MDGA2: variants seen among roughly 807,000 people sequenced by gnomAD.
MDGA2 encodes the protein MAM domain-containing glycosylphosphatidylinositol anchor protein 2.
Under a neutral mutation model 117.8 loss-of-function variants are expected in MDGA2, and 40 were observed. The ratio of observed to expected loss-of-function variants is 0.34; its 90% CI spans 0.26 to 0.44. The LOEUF (loss-of-function observed/expected upper bound fraction) is 0.44, where lower values mean the gene tolerates loss of function less well. MDGA2 is among the 20% of genes least tolerant of loss of function. The probability of loss-of-function intolerance (pLI) is 1.00; values close to 1 mark genes in which losing one functional copy is unlikely to be tolerated. For missense variants in MDGA2, 1,123 were observed against 1,250.6 expected (o/e 0.90, Z 1.54); for synonymous variants, 452 against 439.0 (o/e 1.03, Z -0.37).
intron 1 of MDGA2, among the ~76,000 whole-genome samples, chr14:47,539,504 C>A (rs1370637222): frequency 6.6e-6 from 1 of 152,156 alleles, no homozygotes; most frequent in East Asian, 1.9e-4. Context: ...CCCAGAACAT[C>A]ACTCAACAAT....
intron 1 of MDGA2, among the ~76,000 whole-genome samples, chr14:47,563,141 T>C (rs751355521): frequency 3.3e-5 from 5 of 152,118 alleles, no homozygotes; most frequent in African/African-American, 1.2e-4. Flanking sequence ...TTTCTGAGGA[T>C]TGCTTGATGT....
chr14:47,614,447 G>C (rs529420985), intron 1 of MDGA2, among the ~76,000 whole-genome samples: 1 of 152,186 alleles, frequency 6.6e-6, no homozygotes, highest in Non-Finnish European at 1.5e-5. Context: ...CAGTTTTATA[G>C]AGCAGAAGCC....
intron 1 of MDGA2, among the ~76,000 whole-genome samples, chr14:47,509,334 G>A (rs1335873444): frequency 6.6e-6 from 1 of 152,204 alleles, no homozygotes. Flanking sequence ...GTTAAAAAAT[G>A]AGTTTGGAGA....
intron 1 of MDGA2, among the ~76,000 whole-genome samples, chr14:47,395,108 T>C (rs562774008): frequency 7.9e-5 from 12 of 152,262 alleles, no homozygotes; most frequent in South Asian, 2.1e-4. Context: ...TGAGCTATAA[T>C]TGTGCCACTT....
chr14:47,461,117 CA>C (rs1893474102), intron 1 of MDGA2, among the ~76,000 whole-genome samples: 2 of 152,092 alleles, frequency 1.3e-5, no homozygotes. Context: ...TCATCTTACA[CA>C]AATGGCAATC....
chr14:47,346,063 A>G (rs1890756139), intron 1 of MDGA2, among the ~76,000 whole-genome samples: 1 of 152,040 alleles, frequency 6.6e-6, no homozygotes, highest in Non-Finnish European at 1.5e-5. Context: ...TATATTATAT[A>G]TTTTCTAATA....
chr14:47,448,243 TC>T (rs1267942113), intron 1 of MDGA2, among the ~76,000 whole-genome samples: 1 of 151,986 alleles, frequency 6.6e-6, no homozygotes, highest in Non-Finnish European at 1.5e-5. Flanking sequence ...CTCCACCTCC[TC>T]GGTTCAAGCA....
Position 46,841,080 on chromosome 14 carries a change from T to C in MDGA2, c.*851A>G, listed in dbSNP as rs527613420. ...ACTCTTAGCAGTGCAAGCTTCTGAG[T>C]TGAAAATTATTCAGGCTTGTTTCAT... On this transcript the variant is annotated 3_prime_UTR_variant, in exon 17 of 17. Transcript: ENST00000399232. The C allele has an allele frequency of 4.6e-5, 7 of 152,666 alleles. No homozygotes were observed. Among genetic ancestry groups the C allele is most frequent in the East Asian group, 3.9e-4 (2 of 5,176 alleles). The allele number at this position is 152,666 out of a possible 1,614,324, so 9.5% of individuals were successfully genotyped here. A position where few individuals can be genotyped will look rare whatever the true frequency, so the allele number is the denominator to read the frequency against.
chr14:47,063,412 T>A (rs1010078608), intron 6 of MDGA2, among the ~76,000 whole-genome samples: 13 of 152,102 alleles, frequency 8.5e-5, no homozygotes, highest in African/African-American at 3.1e-4. Context: ...TAGAATCATA[T>A]ATTCATATTT....
In MDGA2 at chr14:47,290,703, T is replaced by C. The variant is rs373549510; in HGVS notation, c.420+10708A>G. Among the ~76,000 whole-genome samples, 5 of 152,138 alleles carry C rather than the reference T, an allele frequency of 3.3e-5. No homozygotes were observed. In the South Asian group the frequency reaches 6.2e-4, roughly 19 times the overall value. ...GTCACATGTATGGATACACTCCTCA[T>C]TGAGCTTGAAAATTCTATAAAAAGG... On this transcript the variant is annotated intron_variant, in intron 2 of 16. Transcript: ENST00000399232.
rs1293960928 is a variant in MDGA2, at chr14:46,855,298, A to G, written c.2753-144T>C. 3 of 600,552 alleles carry G rather than the reference A, an allele frequency of 5.0e-6. No homozygotes were observed. The highest frequency in any genetic ancestry group is 6.9e-5 in the Admixed American group (2 of 28,982). 37.2% of individuals were successfully genotyped at this position (600,552 alleles called of 1,614,324 possible). ...GTCCTCTCTTCTCCTCTCATTTCCTATCTTGCTCTTATGACATTTGACATT... is the reference window on the plus strand; with the variant it reads ...GTCCTCTCTTCTCCTCTCATTTCCTGTCTTGCTCTTATGACATTTGACATT... On this transcript the variant is annotated intron_variant, in intron 14 of 16. Transcript: ENST00000399232. This position sits in a 1 kb window ranked among gnomAD's most constrained non-coding sequence, Gnocchi z 4.1.
chr14:47,328,649 AT>A (rs1041398564), intron 1 of MDGA2, among the ~76,000 whole-genome samples: 10 of 152,104 alleles, frequency 6.6e-5, no homozygotes, highest in African/African-American at 2.4e-4. Flanking sequence ...ACTGTTTTGA[AT>A]TTTTTTAAAT....
In MDGA2 at chr14:47,335,745, T is replaced by TATATACACACATAC; in HGVS notation, c.281-34196_281-34195insGTATGTGTGTATAT. On this transcript the variant is annotated intron_variant, in intron 1 of 16. Transcript: ENST00000399232. ...TGCACACATATATTTTATATATATA[T>TATATACACACATAC]ATACATACATACATACAGGATCACT... Among the ~76,000 whole-genome samples the TATATACACACATAC allele has an allele frequency of 3.1e-5, 3 of 95,556 alleles. 1 individual carries two copies. The highest frequency in any genetic ancestry group is 1.3e-4 in the African/African-American group (3 of 23,488). The allele number at this position is 95,556 out of a possible 152,430, so 62.7% of individuals were successfully genotyped here.
chr14:47,412,801 T>C (rs1892400376), intron 1 of MDGA2, among the ~76,000 whole-genome samples: 1 of 152,180 alleles, frequency 6.6e-6, no homozygotes, highest in Admixed American at 6.5e-5. Flanking sequence ...ACAAACCACA[T>C]GTTGCCCATG....
intron 1 of MDGA2, among the ~76,000 whole-genome samples, chr14:47,581,895 T>G (rs1305750809): frequency 6.6e-6 from 1 of 151,938 alleles, no homozygotes; most frequent in Non-Finnish European, 1.5e-5. Context: ...GCTGTTTCCC[T>G]CATTCTGCCC....
chr14:47,579,708 C>G (rs12887887), intron 1 of MDGA2, among the ~76,000 whole-genome samples: 39,999 of 151,774 alleles, frequency 0.26, 6,157 homozygotes, highest in Non-Finnish European at 0.35. Context: ...TGGAAGACAT[C>G]TAAAAATAAT....
intron 1 of MDGA2, among the ~76,000 whole-genome samples, chr14:47,642,612 A>G (rs528597323): frequency 1.3e-5 from 2 of 152,102 alleles, no homozygotes; most frequent in Non-Finnish European, 2.9e-5. Flanking sequence ...TATTATATAG[A>G]AGTACTAGAG....
At chr14:47,612,598 G>A (rs192143572) in intron 1 of MDGA2, among the ~76,000 whole-genome samples, 121 of 152,072 alleles carry the variant, frequency 8.0e-4, no homozygotes, top group Non-Finnish European at 1.1e-3. Flanking sequence ...CATTTATAAC[G>A]TAATTTTTTA....
intron 1 of MDGA2, among the ~76,000 whole-genome samples, chr14:47,646,634 G>A (rs754950925): frequency 8.5e-5 from 13 of 152,262 alleles, no homozygotes; most frequent in Non-Finnish European, 1.9e-4. Flanking sequence ...GTGCAGCTGA[G>A]AATGCATATG....
Sources: allele counts gnomAD v4.1 joint callset (sites outside exome capture counted in the v4.1 genomes callset), GRCh38; gene constraint gnomAD v4.1.1; non-coding constraint Gnocchi (gnomAD v3.1); transcripts MANE v1.5; gene names NCBI Gene and HGNC (gene_info 2026-07-23, HGNC 2026-07-21).